Variants in CFAP54 observed in about 807,000 individuals in gnomAD.
The protein encoded by CFAP54 is cilia- and flagella-associated protein 54.
A neutral mutation model predicts 370.4 loss-of-function variants in CFAP54; 290 were observed. The observed-to-expected ratio is 0.78, with a 90% CI of 0.71 to 0.86. The LOEUF (loss-of-function observed/expected upper bound fraction) is 0.86. Ranked by LOEUF, CFAP54 falls within the 40% of genes least tolerant of loss-of-function variation. The probability of loss-of-function intolerance (pLI) is 0.00; values close to 1 mark genes in which losing one functional copy is unlikely to be tolerated. For synonymous variants in CFAP54, 1,206 were observed against 1,236.5 expected (o/e 0.98, Z 0.52); for missense variants, 3,399 against 3,528.7 (o/e 0.96, Z 0.93).
In CFAP54 at chr12:96,626,883, G is replaced by A. The variant is rs781260979; in HGVS notation, c.4047G>A (p.Glu1349=). 7.7e-6 allele frequency: 11 copies of A among 1,430,866 alleles called. No homozygotes were observed. In the South Asian group the frequency reaches 1.6e-4, roughly 21 times the overall value. 88.6% of individuals were successfully genotyped at this position (1,430,866 alleles called of 1,614,324 possible). The change falls in exon 30 of 68, where the codon GAG becomes GAA. Residue 1349 remains glutamate, a synonymous_variant. Coordinates refer to ENST00000524981, the MANE Select transcript of CFAP54 (RefSeq NM_001306084.2). ...AAGTTATGCTAAAATGCATGAATGA[G>A]GAAAAATTTCATCTTATGGTAGAGG... The part of the protein sequence containing the change: ...FTQVMLKCMN[E]EKFHLMVEVT...
intron 66 of CFAP54, among the ~76,000 whole-genome samples, chr12:96,833,543 T>C (rs985939838): frequency 6.8e-6 from 1 of 147,362 alleles, no homozygotes; most frequent in Non-Finnish European, 1.5e-5. Flanking sequence ...TGTGTGTGTG[T>C]GATTTGAATG....
rs1958388901 is a variant in CFAP54, at chr12:96,765,215, CT to C, written c.8280del (p.Asp2761ThrfsTer54). 1.3e-6 allele frequency: 2 copies of C among 1,504,918 alleles called. No homozygotes were observed. Among genetic ancestry groups the C allele is most frequent in the East Asian group, 4.6e-5 (2 of 43,346 alleles). 93.2% of individuals were successfully genotyped at this position (1,504,918 alleles called of 1,614,324 possible). Reference protein sequence around the residue: ...DLLSSYTDYLLDNYQVLFQTS... With the variant: ...DLLSSYTDYLXDNYQVLFQTS... Reference sequence around the variant, plus strand: ...TTTGTCTTCGTATACAGATTATTTGCTTGGTATGTTTGGATGTCTACATATT... The same window carrying C: ...TTTGTCTTCGTATACAGATTATTTGCTGGTATGTTTGGATGTCTACATATT... On this transcript the variant is annotated frameshift_variant and splice_region_variant, in exon 60 of 68. Transcript: ENST00000524981. LOFTEE classifies it high-confidence loss of function.
intron 1 of CFAP54, 109 bp downstream of exon 1, chr12:96,490,035 A>G (rs746418027): frequency 1.9e-5 from 20 of 1,064,128 alleles, no homozygotes; most frequent in Non-Finnish European, 2.6e-5. Context: ...TTGCGGACGC[A>G]GGGGCTGGCT....
chr12:96,833,681 T>C (rs1373067925), intron 66 of CFAP54, among the ~76,000 whole-genome samples: 1 of 152,112 alleles, frequency 6.6e-6, no homozygotes, highest in Non-Finnish European at 1.5e-5. Flanking sequence ...AAGCAGTTTT[T>C]CTTGGCTGCT....
intron 15 of CFAP54, among the ~76,000 whole-genome samples, chr12:96,550,022 A>G (rs1377649808): frequency 2.0e-5 from 3 of 152,260 alleles, no homozygotes; most frequent in Non-Finnish European, 4.4e-5. Context: ...CTTATTTCAA[A>G]GTTTTACTGA....
intron 19 of CFAP54, among the ~76,000 whole-genome samples, chr12:96,572,335 G>A (rs998348596): frequency 6.6e-6 from 1 of 152,304 alleles, no homozygotes; most frequent in South Asian, 2.1e-4. Context: ...GGTGACATTT[G>A]TGTGGATCTT....
In CFAP54 at chr12:96,489,913, T is replaced by C; in HGVS notation, c.304T>C (p.Phe102Leu). The change falls in exon 1 of 68, where the codon TTC (phenylalanine) becomes CTC (leucine). Residue 102 changes from phenylalanine to leucine, a missense_variant. This residue lies in a region of CFAP54 where 559 missense variants were observed against 576.7 expected (regional missense o/e 0.97). Coordinates refer to ENST00000524981, the MANE Select transcript of CFAP54 (RefSeq NM_001306084.2). ...LATTEEEKHE[F>L]RRRCATSLFN... The stretch of plus-strand genomic sequence containing the variant: ...CACCACGGAGGAAGAGAAGCACGAA[T>C]TCCGCCGGCGTTGGTAAGCGCTGGC... 6.5e-7 allele frequency: 1 copy of C among 1,531,596 alleles called. No individual in the cohort carries two copies. Among genetic ancestry groups the C allele is most frequent in the Non-Finnish European group, 8.7e-7 (1 of 1,143,614 alleles). The allele number at this position is 1,531,596 out of a possible 1,614,324, so 94.9% of individuals were successfully genotyped here. A position where few individuals can be genotyped will look rare whatever the true frequency, so the allele number is the denominator to read the frequency against.
At chr12:96,681,009 C>CGG (rs1565940541) in intron 40 of CFAP54, among the ~76,000 whole-genome samples, 1 of 151,732 alleles carries the variant, frequency 6.6e-6, no homozygotes, top group African/African-American at 2.4e-5. Context: ...CTTGAACCGG[C>CGG]GGGGCAGAGG....
intron 65 of CFAP54, among the ~76,000 whole-genome samples, chr12:96,821,769 A>T (rs1434239841): frequency 6.6e-6 from 1 of 151,186 alleles, no homozygotes; most frequent in Non-Finnish European, 1.5e-5. Flanking sequence ...TAAATCTGCT[A>T]GTTTGTTGTC....
chr12:96,681,280 C>T (rs953503133), intron 40 of CFAP54, among the ~76,000 whole-genome samples: 3 of 151,976 alleles, frequency 2.0e-5, no homozygotes, highest in East Asian at 3.8e-4. Flanking sequence ...TCTATACTAG[C>T]TTCTTTCTCT....
chr12:96,809,582 T>C (rs1026610776), intron 63 of CFAP54, among the ~76,000 whole-genome samples: 1 of 152,240 alleles, frequency 6.6e-6, no homozygotes, highest in African/African-American at 2.4e-5. Flanking sequence ...TGGAGTTTTC[T>C]CCTGATCTTT....
At chr12:96,542,301 T>G (rs1294199175) in intron 14 of CFAP54, among the ~76,000 whole-genome samples, 1 of 152,218 alleles carries the variant, frequency 6.6e-6, no homozygotes, top group Non-Finnish European at 1.5e-5. Flanking sequence ...TCTGTCCTAC[T>G]TCAGCTAGCC....
intron 66 of CFAP54, among the ~76,000 whole-genome samples, chr12:96,856,480 G>A (rs1959707095): frequency 6.6e-6 from 1 of 152,088 alleles, no homozygotes; most frequent in Non-Finnish European, 1.5e-5. Context: ...TTATCTCTCT[G>A]AAGTTCAGAG....
chr12:96,594,611 G>T (rs1287526110), intron 25 of CFAP54, among the ~76,000 whole-genome samples, 165 bp downstream of exon 25: 1 of 152,148 alleles, frequency 6.6e-6, no homozygotes, highest in East Asian at 1.9e-4. Flanking sequence ...TAAATTATAT[G>T]TCTGGGCACA....
In CFAP54 at chr12:96,547,950, G is replaced by C; in HGVS notation, c.2126G>C (p.Gly709Ala). The part of the protein sequence containing the change: ...GTNKFPGAPK[G>A]ITEILPILQK... ...AACAAATTCCCTGGAGCTCCAAAAGGGATCACAGAAATTCTTCCAATATTA... is the reference window on the plus strand; with the variant it reads ...AACAAATTCCCTGGAGCTCCAAAAGCGATCACAGAAATTCTTCCAATATTA... Residue 709 changes from glycine (G) to alanine (A), a missense_variant, in exon 15 of 68, where the codon GGG (glycine) becomes GCG (alanine). Physicochemically the swap from Gly to Ala is moderately conservative, Grantham distance 60. Coordinates refer to ENST00000524981, the MANE Select transcript of CFAP54 (RefSeq NM_001306084.2). 1 of 1,490,388 alleles carries C rather than the reference G, an allele frequency of 6.7e-7. No homozygotes were observed. The highest frequency in any genetic ancestry group is 8.9e-7 in the Non-Finnish European group (1 of 1,120,538). The allele number at this position is 1,490,388 out of a possible 1,614,324, so 92.3% of individuals were successfully genotyped here. A position where few individuals can be genotyped will look rare whatever the true frequency, so the allele number is the denominator to read the frequency against.
At chr12:96,681,576 T>A (rs1288162139) in intron 40 of CFAP54, among the ~76,000 whole-genome samples, 1 of 149,536 alleles carries the variant, frequency 6.7e-6, no homozygotes, top group African/African-American at 2.5e-5. Context: ...CTGTAGTGCT[T>A]TTTTTTTTGG....
chr12:96,554,156 CT>C, intron 15 of CFAP54, 25 bp from the exon 16 acceptor site: 2 of 1,413,170 alleles, frequency 1.4e-6, no homozygotes, highest in Admixed American at 2.7e-5. Flanking sequence ...TTTTATTTTT[CT>C]TTTTTGTTTA....
rs759529878 is a variant in CFAP54 at position 96,784,832 on chromosome 12, C to T, written c.8397C>T (p.Ile2799=). ...AGACCAAAGTGGATATTACATGGATCCTTCTACTGCGCTACTATATTCACC... is the reference window on the plus strand; with the variant it reads ...AGACCAAAGTGGATATTACATGGATTCTTCTACTGCGCTACTATATTCACC... ...KTQTKVDITW[I]LLLRYYIHLQ... The change falls in exon 61 of 68, where the codon ATC becomes ATT. Residue 2799 remains isoleucine (I), a synonymous_variant. Transcript: ENST00000524981. 1.3e-6 allele frequency: 2 copies of T among 1,533,284 alleles called. No individual in the cohort carries two copies. The highest frequency in any genetic ancestry group is 1.7e-6 in the Non-Finnish European group (2 of 1,145,374). 95.0% of individuals were successfully genotyped at this position (1,533,284 alleles called of 1,614,324 possible). A position where few individuals can be genotyped will look rare whatever the true frequency, so the allele number is the denominator to read the frequency against.
intron 66 of CFAP54, among the ~76,000 whole-genome samples, chr12:96,837,042 C>T (rs1959188324): frequency 6.6e-6 from 1 of 152,092 alleles, no homozygotes; most frequent in African/African-American, 2.4e-5. Flanking sequence ...GGCTGGTCTC[C>T]CACTCTTGGT....
Sources: allele counts gnomAD v4.1 joint callset (sites outside exome capture counted in the v4.1 genomes callset), GRCh38; gene constraint gnomAD v4.1.1; regional missense constraint gnomAD v4.1.1; transcripts MANE v1.5; gene names NCBI Gene and HGNC (gene_info 2026-07-23, HGNC 2026-07-21).